The following RAPGEF4 variants were observed in gnomAD, a reference collection of about 807,000 sequenced individuals.
The protein encoded by RAPGEF4 is Rap guanine nucleotide exchange factor 4, also known as RAP guanine-nucleotide-exchange factor (GEF) 4.
A neutral mutation model predicts 147.9 loss-of-function variants in RAPGEF4; 66 were observed. The observed-to-expected ratio is 0.45, with a 90% CI of 0.37 to 0.55. RAPGEF4 has a LOEUF of 0.55. Among genes scored for constraint, RAPGEF4 ranks in the 20% least tolerant of loss-of-function variants. The pLI is 0.00. For missense variants in RAPGEF4, 1,071 were observed against 1,257.3 expected, an observed-to-expected ratio of 0.85 and a Z score of 2.24; for synonymous variants, 419 against 442.7, an observed-to-expected ratio of 0.95 and a Z score of 0.67.
chr2:173,011,424 C>T (rs1001579081), intron 17 of RAPGEF4, among the ~76,000 whole-genome samples: 1 of 152,124 alleles, frequency 6.6e-6, no homozygotes, highest in African/African-American at 2.4e-5. Context: ...CTTTTCCCCA[C>T]CGGTAAATAT....
intron 6 of RAPGEF4, among the ~76,000 whole-genome samples, chr2:172,954,201 AT>A (rs1360065278): frequency 6.6e-6 from 1 of 152,186 alleles, no homozygotes; most frequent in African/African-American, 2.4e-5. Flanking sequence ...GCTAATCTGC[AT>A]TCAGCCTCCA....
Position 173,048,549 on chromosome 2 carries a change from A to T in RAPGEF4, c.2854-51A>T. 4 of 1,612,336 alleles carry T rather than the reference A, an allele frequency of 2.5e-6. No homozygotes were observed. In the East Asian group the frequency reaches 6.7e-5, roughly 27 times the overall value. On this transcript the variant is annotated intron_variant, in intron 29 of 30. Transcript: ENST00000397081. ...TGGTTTGTTTTCCTTTTTGGATTGT[A>T]CTCTACGCTTACTTGAATTTCTATC... is the stretch of plus-strand genomic sequence containing the variant.
intron 1 of RAPGEF4, among the ~76,000 whole-genome samples, chr2:172,776,659 T>A (rs1169550514): frequency 6.6e-6 from 1 of 152,156 alleles, no homozygotes. Context: ...CTTCAGATAA[T>A]TTCTATTGCC....
At chr2:172,872,071 A>G (rs1293517067) in intron 4 of RAPGEF4, among the ~76,000 whole-genome samples, 1 of 152,228 alleles carries the variant, frequency 6.6e-6, no homozygotes, top group East Asian at 1.9e-4. Context: ...AGAAAACTGG[A>G]TAAATGAAAG....
intron 1 of RAPGEF4, among the ~76,000 whole-genome samples, chr2:172,764,881 G>T (rs1182006960): frequency 4.6e-5 from 7 of 152,188 alleles, no homozygotes; most frequent in Admixed American, 3.9e-4. Context: ...ATGGGCCTGA[G>T]AATTTGCCCT....
In RAPGEF4 at chr2:172,979,348, G is replaced by C. The variant is rs766889381; in HGVS notation, c.1005-4148G>C. ...ACCCTAAATTCAGCATGAATCATGA[G>C]AACTCGTGTGTTCACTCATACGATG... is the stretch of plus-strand genomic sequence containing the variant. On this transcript the variant is annotated intron_variant, in intron 10 of 30. Coordinates refer to ENST00000397081, the MANE Select transcript of RAPGEF4 (RefSeq NM_007023.4). Among the ~76,000 whole-genome samples the C allele has an allele frequency of 5.4e-4, 82 of 152,270 alleles. 1 individual carries two copies. The highest frequency in any genetic ancestry group is 3.1e-4 in the Non-Finnish European group (21 of 68,026).
intron 6 of RAPGEF4, 103 bp from the exon 7 acceptor site, chr2:172,960,657 G>A: frequency 1.3e-6 from 1 of 785,112 alleles, no homozygotes; most frequent in African/African-American, 1.8e-5. Context: ...ATTATATTTT[G>A]AGTTTTATAA....
chr2:172,836,421 A>G lies in RAPGEF4; in HGVS notation c.444+21996A>G, dbSNP rs894075356. Among the ~76,000 whole-genome samples, 3 of 152,322 alleles carry G rather than the reference A, an allele frequency of 2.0e-5. No individual in the cohort carries two copies. In the South Asian group the frequency reaches 6.2e-4, roughly 32 times the overall value. On this transcript the variant is annotated intron_variant, in intron 4 of 30. Transcript: ENST00000397081. ...GTAGCTCTGTGGTGTGTGACGTCTC[A>G]GTTGTGATATCCTAGAGCAACCTCA...
chr2:172,983,726 G>A, intron 11 of RAPGEF4, 146 bp downstream of exon 11: 2 of 1,401,520 alleles, frequency 1.4e-6, no homozygotes, highest in Non-Finnish European at 1.9e-6. Context: ...GAGATGCTGA[G>A]GAAGTTATAC....
intron 27 of RAPGEF4, 38 bp downstream of exon 27, chr2:173,034,002 A>T (rs759752381): frequency 6.4e-7 from 1 of 1,552,146 alleles, no homozygotes; most frequent in Non-Finnish European, 8.7e-7. Context: ...TTCACTGTCT[A>T]CATTAATCCA....
intron 9 of RAPGEF4, among the ~76,000 whole-genome samples, chr2:172,966,629 G>A (rs1689869241): frequency 1.3e-5 from 2 of 152,264 alleles, no homozygotes; most frequent in Admixed American, 6.5e-5. Context: ...TTGTCCTACC[G>A]AGATTTAAAT....
At chr2:172,931,532 A>G (rs1685978184) in intron 6 of RAPGEF4, among the ~76,000 whole-genome samples, 1 of 152,228 alleles carries the variant, frequency 6.6e-6, no homozygotes, top group African/African-American at 2.4e-5. Flanking sequence ...CAGGAGAATC[A>G]GAAATTCCCA....
intron 26 of RAPGEF4, among the ~76,000 whole-genome samples, chr2:173,031,698 G>A (rs1001943755): frequency 2.0e-5 from 3 of 152,194 alleles, no homozygotes; most frequent in Non-Finnish European, 4.4e-5. Flanking sequence ...AGCAAAAGGA[G>A]ATAGCTAACT....
chr2:172,736,097 C>T (rs1056324834), intron 1 of RAPGEF4, 49 bp downstream of exon 1: 4 of 1,382,622 alleles, frequency 2.9e-6, no homozygotes, highest in African/African-American at 3.0e-5. Flanking sequence ...CGGTGCTGCC[C>T]GGGCCCTGAG....
intron 4 of RAPGEF4, among the ~76,000 whole-genome samples, chr2:172,824,021 A>G (rs1689396338): frequency 6.6e-6 from 1 of 152,236 alleles, no homozygotes; most frequent in African/African-American, 2.4e-5. Flanking sequence ...GAGTTAAAAA[A>G]TCTAGTGTCC....
At chr2:172,740,118 G>T (rs769737043) in intron 1 of RAPGEF4, among the ~76,000 whole-genome samples, 1 of 152,218 alleles carries the variant, frequency 6.6e-6, no homozygotes, top group Non-Finnish European at 1.5e-5. Flanking sequence ...AATGGAGACT[G>T]TGGGCCCACA....
At chr2:172,752,614 A>T (rs995722751) in intron 1 of RAPGEF4, among the ~76,000 whole-genome samples, 2 of 152,160 alleles carry the variant, frequency 1.3e-5, no homozygotes, top group African/African-American at 4.8e-5. Flanking sequence ...TATTTACCAA[A>T]AATAATTTAA....
intron 6 of RAPGEF4, among the ~76,000 whole-genome samples, chr2:172,946,610 C>G (rs377656736): frequency 1.3e-5 from 2 of 152,184 alleles, no homozygotes; most frequent in South Asian, 4.1e-4. Flanking sequence ...ATTCCATCTG[C>G]TCTCTCACTA....
chr2:172,868,562 C>T (rs533696522), intron 4 of RAPGEF4, among the ~76,000 whole-genome samples: 70 of 152,270 alleles, frequency 4.6e-4, no homozygotes, highest in Non-Finnish European at 7.6e-4. Flanking sequence ...TGAATGGTGC[C>T]TGTGCCCTCT....
Sources: allele counts gnomAD v4.1 joint callset (sites outside exome capture counted in the v4.1 genomes callset), GRCh38; gene constraint gnomAD v4.1.1; transcripts MANE v1.5; gene names NCBI Gene and HGNC (gene_info 2026-07-23, HGNC 2026-07-21).